EFCAB11: variants seen among roughly 807,000 people sequenced by gnomAD.
EFCAB11 encodes the protein EF-hand calcium-binding domain-containing protein 11.
In EFCAB11, 14 loss-of-function variants were observed where a neutral mutation model predicts 23.0. The observed-to-expected ratio is 0.61, with a 90% CI of 0.40 to 0.95. The LOEUF is 0.95. Ranked by LOEUF, EFCAB11 falls within the 40% of genes least tolerant of loss-of-function variation. The pLI is 0.00. For missense variants in EFCAB11, 198 were observed against 195.8 expected (o/e 1.01, Z -0.07); for synonymous variants, 65 against 66.6 (o/e 0.98, Z 0.11).
chr14:89,858,788 GA>G (rs1033571969), intron 5 of EFCAB11, among the ~76,000 whole-genome samples: 2 of 150,152 alleles, frequency 1.3e-5, no homozygotes, highest in African/African-American at 4.9e-5. Context: ...GGCCAATGAT[GA>G]GGTTTTTGTA....
chr14:89,835,925 G>C (rs931990984), intron 5 of EFCAB11, among the ~76,000 whole-genome samples: 58 of 152,082 alleles, frequency 3.8e-4, no homozygotes, highest in African/African-American at 1.2e-3. Flanking sequence ...ACTGCACCTG[G>C]CCCAACCTGT....
intron 5 of EFCAB11, among the ~76,000 whole-genome samples, chr14:89,825,541 C>T (rs1392924147): frequency 6.6e-6 from 1 of 151,828 alleles, no homozygotes; most frequent in East Asian, 1.9e-4. Context: ...CTAAAAGATG[C>T]CTCTTTAAAA....
At chr14:89,937,931 T>C (rs1890648739) in intron 3 of EFCAB11, 1 of 152,126 alleles carries the variant, frequency 6.6e-6, no homozygotes. Flanking sequence ...TTTTTTTACT[T>C]GTTTGTTTTT....
intron 3 of EFCAB11, among the ~76,000 whole-genome samples, chr14:89,941,132 CAGA>C (rs1318256386): frequency 6.6e-6 from 1 of 152,218 alleles, no homozygotes; most frequent in Non-Finnish European, 1.5e-5. Flanking sequence ...TGAGACATCA[CAGA>C]AGAACTATCC....
intron 1 of EFCAB11, chr14:89,954,221 T>G (rs893495397): frequency 2.8e-6 from 3 of 1,077,324 alleles, no homozygotes; most frequent in Non-Finnish European, 4.0e-6. Flanking sequence ...GCAAACGAGT[T>G]AACCGCTAGG....
intron 5 of EFCAB11, among the ~76,000 whole-genome samples, chr14:89,806,018 C>T (rs973527016): frequency 6.6e-6 from 1 of 152,190 alleles, no homozygotes; most frequent in African/African-American, 2.4e-5. Flanking sequence ...CTGTATCCAA[C>T]AGAAAGTTCT....
chr14:89,874,687 G>T (rs915942574), intron 5 of EFCAB11, among the ~76,000 whole-genome samples: 2 of 152,122 alleles, frequency 1.3e-5, no homozygotes, highest in African/African-American at 2.4e-5. Flanking sequence ...CAAGAGGTCA[G>T]GAGATCGAGA....
chr14:89,821,405 CT>C (rs1198430555), intron 5 of EFCAB11, among the ~76,000 whole-genome samples: 2 of 152,100 alleles, frequency 1.3e-5, no homozygotes, highest in Non-Finnish European at 2.9e-5. Context: ...ACCAGTCTTT[CT>C]CCCCTTATGT....
Position 89,921,795 on chromosome 14 carries a change from T to C in EFCAB11, c.410+9746A>G, listed in dbSNP as rs562621481. Among the ~76,000 whole-genome samples the C allele has an allele frequency of 4.6e-4, 70 of 152,378 alleles. No individual in the cohort carries two copies. The Middle Eastern group carries it at 0.01, about 22-fold the overall frequency. ...ATAAGGTGGACAATCAAAACTTTGA[T>C]GTAATTCTTAATTCCTGGCCTACTT... On this transcript the variant is annotated intron_variant, in intron 5 of 5. Coordinates refer to ENST00000316738, the MANE Select transcript of EFCAB11 (RefSeq NM_145231.4).
chr14:89,850,511 T>G (rs1483009302), intron 5 of EFCAB11, among the ~76,000 whole-genome samples: 1 of 152,230 alleles, frequency 6.6e-6, no homozygotes, highest in Non-Finnish European at 1.5e-5. Flanking sequence ...GTGATTCTTA[T>G]GCACATAAAG....
intron 5 of EFCAB11, among the ~76,000 whole-genome samples, chr14:89,900,503 T>C (rs1889307659): frequency 6.6e-6 from 1 of 152,068 alleles, no homozygotes; most frequent in Non-Finnish European, 1.5e-5. Flanking sequence ...TATAAGAAAA[T>C]AAGAAGCACA....
chr14:89,953,286 C>T (rs1311678540), intron 2 of EFCAB11, among the ~76,000 whole-genome samples: 3 of 151,226 alleles, frequency 2.0e-5, no homozygotes, highest in African/African-American at 7.3e-5. Context: ...TTTTAAAATG[C>T]AGTAGTGGTG....
chr14:89,899,942 C>G (rs1459407518), intron 5 of EFCAB11, among the ~76,000 whole-genome samples: 1 of 152,176 alleles, frequency 6.6e-6, no homozygotes, highest in Non-Finnish European at 1.5e-5. Context: ...CCCTGCCACT[C>G]CACTCTAAAG....
At chr14:89,881,822 C>T (rs1313103222) in intron 5 of EFCAB11, among the ~76,000 whole-genome samples, 1 of 152,052 alleles carries the variant, frequency 6.6e-6, no homozygotes, top group Admixed American at 6.5e-5. Context: ...CTTAAATTTT[C>T]CTTCATTAAA....
intron 5 of EFCAB11, among the ~76,000 whole-genome samples, chr14:89,900,826 T>C (rs1262010982): frequency 6.6e-6 from 1 of 152,234 alleles, no homozygotes; most frequent in Non-Finnish European, 1.5e-5. Context: ...TATTGCTTTT[T>C]TTCTTTTTTA....
chr14:89,936,949 T>C (rs1025751462), intron 3 of EFCAB11, among the ~76,000 whole-genome samples: 55 of 152,276 alleles, frequency 3.6e-4, no homozygotes, highest in Non-Finnish European at 6.0e-4. Flanking sequence ...CAATAAGAAA[T>C]ATATTACCTG....
At chr14:89,827,066 T>C (rs1886714545) in intron 5 of EFCAB11, among the ~76,000 whole-genome samples, 2 of 152,008 alleles carry the variant, frequency 1.3e-5, no homozygotes, top group Non-Finnish European at 2.9e-5. Flanking sequence ...AAAGAGAGAA[T>C]TTAATATAAA....
intron 5 of EFCAB11, among the ~76,000 whole-genome samples, chr14:89,870,991 T>C (rs2140162627): frequency 6.6e-6 from 1 of 152,292 alleles, no homozygotes; most frequent in South Asian, 2.1e-4. Flanking sequence ...TGTTCCTTCT[T>C]GATATGAGCC....
chr14:89,930,889 G>A (rs964510830), intron 5 of EFCAB11, among the ~76,000 whole-genome samples: 4 of 152,204 alleles, frequency 2.6e-5, no homozygotes, highest in Non-Finnish European at 2.9e-5. Flanking sequence ...TCAGAGAAGA[G>A]ACAGCTCTGC....
Sources: allele counts gnomAD v4.1 joint callset (sites outside exome capture counted in the v4.1 genomes callset), GRCh38; gene constraint gnomAD v4.1.1; transcripts MANE v1.5; gene names NCBI Gene and HGNC (gene_info 2026-07-23, HGNC 2026-07-21).